RNFT2: variants seen among roughly 807,000 people sequenced by gnomAD.
RNFT2 encodes ring finger protein, transmembrane 2.
A neutral mutation model predicts 53.0 loss-of-function variants in RNFT2; 36 were observed. The observed-to-expected ratio is 0.68, with a 90% CI of 0.52 to 0.90. The LOEUF (loss-of-function observed/expected upper bound fraction) is 0.90, where lower values mean the gene tolerates loss of function less well. Among genes scored for constraint, RNFT2 ranks in the 40% least tolerant of loss-of-function variants. The pLI is 0.00. For synonymous variants in RNFT2, 260 were observed against 253.2 expected (o/e 1.03, Z -0.26); for missense variants, 514 against 585.6 (o/e 0.88, Z 1.26).
intron 7 of RNFT2, among the ~76,000 whole-genome samples, chr12:116,826,633 G>A (rs566469632): frequency 3.2e-4 from 49 of 152,270 alleles, no homozygotes; most frequent in African/African-American, 1.2e-3. Flanking sequence ...GTGCCACATA[G>A]GCTCTCACTC....
intron 3 of RNFT2, 29 bp downstream of exon 3, chr12:116,741,123 AG>A (rs1312740486): frequency 6.3e-7 from 1 of 1,591,868 alleles, no homozygotes; most frequent in Non-Finnish European, 8.6e-7. Flanking sequence ...GTTCCATCTG[AG>A]GGCTCTAGGC....
At chr12:116,838,447 G>T (rs1877090802) in intron 10 of RNFT2, among the ~76,000 whole-genome samples, 1 of 151,948 alleles carries the variant, frequency 6.6e-6, no homozygotes, top group Admixed American at 6.5e-5. Context: ...AAGGCACACA[G>T]TTTTGACAGT....
At chr12:116,754,422 T>C (rs182992467) in intron 5 of RNFT2, among the ~76,000 whole-genome samples, 1 of 152,254 alleles carries the variant, frequency 6.6e-6, no homozygotes, top group East Asian at 1.9e-4. Flanking sequence ...AATTTTAAAA[T>C]TGTGAATTGT....
chr12:116,801,825 T>G (rs939249094), intron 7 of RNFT2, among the ~76,000 whole-genome samples: 4 of 151,796 alleles, frequency 2.6e-5, no homozygotes, highest in Non-Finnish European at 5.9e-5. Context: ...TGTTTGTTTG[T>G]TTGTTTGTTT....
intron 7 of RNFT2, among the ~76,000 whole-genome samples, chr12:116,793,437 C>T (rs1874348426): frequency 6.6e-6 from 1 of 152,122 alleles, no homozygotes; most frequent in Non-Finnish European, 1.5e-5. Flanking sequence ...CTCCTCCCAC[C>T]TCAGCCTCCC....
At chr12:116,793,800 C>G (rs145584897) in intron 7 of RNFT2, among the ~76,000 whole-genome samples, 1 of 152,322 alleles carries the variant, frequency 6.6e-6, no homozygotes, top group East Asian at 1.9e-4. Context: ...TTTTCTCCAA[C>G]CTGCAGTATT....
chr12:116,830,322 C>G (rs1397197769), intron 7 of RNFT2, among the ~76,000 whole-genome samples: 1 of 152,144 alleles, frequency 6.6e-6, no homozygotes, highest in Non-Finnish European at 1.5e-5. Context: ...GGGTCTTACT[C>G]TGTCACCCAG....
At position 116,743,232 on chromosome 12, in the gene RNFT2, AAAAAAAAAAAAAC is replaced by A. The variant is rs1455242657; in HGVS notation, c.83+2139_83+2151del. 2.1e-3 allele frequency among the ~76,000 whole-genome samples: 258 copies of A among 124,220 alleles called. 41 individuals are homozygous for A. The East Asian group carries it at 0.04, about 19-fold the overall frequency. 81.5% of individuals were successfully genotyped at this position (124,220 alleles called of 152,430 possible). On this transcript the variant is annotated intron_variant, in intron 3 of 10. Coordinates refer to ENST00000257575, the MANE Select transcript of RNFT2 (RefSeq NM_001382266.1). ...AGAATCTAAAAAAAAAAAAAAAAAA[AAAAAAAAAAAAAC>A]CGGTTAAAAAACACTCATGAGCTAG...
At chr12:116,780,212 CT>C (rs915581200) in intron 7 of RNFT2, among the ~76,000 whole-genome samples, 19 of 152,292 alleles carry the variant, frequency 1.2e-4, no homozygotes, top group African/African-American at 3.8e-4. Context: ...TGTCCACTCC[CT>C]TTCTCCACTG....
chr12:116,816,576 G>C (rs1875691680), intron 7 of RNFT2, among the ~76,000 whole-genome samples: 1 of 152,272 alleles, frequency 6.6e-6, no homozygotes, highest in African/African-American at 2.4e-5. Context: ...GTTATCTAGT[G>C]GCAGATGTTG....
At chr12:116,754,166 T>A in intron 5 of RNFT2, 106 bp downstream of exon 5, 1 of 861,972 alleles carries the variant, frequency 1.2e-6, no homozygotes, top group South Asian at 1.4e-5. Context: ...ATCATTCTTA[T>A]GCCTTTGCGT....
chr12:116,837,433 G>A (rs1342923317), intron 10 of RNFT2, among the ~76,000 whole-genome samples: 1 of 152,142 alleles, frequency 6.6e-6, no homozygotes, highest in Non-Finnish European at 1.5e-5. Context: ...AGGGTTTTTG[G>A]AGGAGGCATA....
chr12:116,746,096 G>A (rs2137066910), intron 3 of RNFT2, among the ~76,000 whole-genome samples: 1 of 152,312 alleles, frequency 6.6e-6, no homozygotes, highest in African/African-American at 2.4e-5. Context: ...AATTAGCCAA[G>A]CATAGTGGCG....
chr12:116,779,642 A>G (rs1006615846), intron 7 of RNFT2, among the ~76,000 whole-genome samples: 1 of 151,920 alleles, frequency 6.6e-6, no homozygotes, highest in Non-Finnish European at 1.5e-5. Context: ...CTGAGAGAGG[A>G]AAAAAAAGCA....
intron 6 of RNFT2, among the ~76,000 whole-genome samples, chr12:116,771,183 A>G (rs1873159074): frequency 6.6e-6 from 1 of 152,058 alleles, no homozygotes; most frequent in Non-Finnish European, 1.5e-5. Context: ...TGGATAGTCC[A>G]GGTGCGTTGG....
chr12:116,762,580 ATTTT>A (rs112850108), intron 5 of RNFT2, among the ~76,000 whole-genome samples: 1 of 137,776 alleles, frequency 7.3e-6, no homozygotes, highest in Non-Finnish European at 1.6e-5. Flanking sequence ...TTCTCTACCA[ATTTT>A]TTTTTTTTTT....
intron 5 of RNFT2, among the ~76,000 whole-genome samples, chr12:116,757,755 T>C (rs576835270): frequency 1.1e-4 from 17 of 152,342 alleles, no homozygotes; most frequent in African/African-American, 4.1e-4. Flanking sequence ...ATAGTCTATC[T>C]TGGAGAAAGT....
intron 7 of RNFT2, among the ~76,000 whole-genome samples, chr12:116,830,108 G>C (rs1249481666): frequency 6.6e-6 from 1 of 152,064 alleles, no homozygotes; most frequent in Non-Finnish European, 1.5e-5. Flanking sequence ...AGTTGCAAAA[G>C]TAATGCTGCG....
rs149485709 is a variant in RNFT2 at position 116,826,132 on chromosome 12, C to T, written c.883-7660C>T. 2.4e-3 allele frequency among the ~76,000 whole-genome samples: 363 copies of T among 152,148 alleles called. 2 individuals carry two copies. Among genetic ancestry groups the T allele is most frequent in the African/African-American group, 8.4e-3 (347 of 41,500 alleles). On this transcript the variant is annotated intron_variant, in intron 7 of 10. Transcript: ENST00000257575. ...TAGGTGCGTTCTTCCAAAAAATTCT[C>T]CTCTCTGTTCATTTCTTCTGCTTCT... is the stretch of plus-strand genomic sequence containing the variant.
Sources: gnomAD v4.1 joint callset for allele counts (sites outside exome capture counted in the v4.1 genomes callset) on GRCh38, gnomAD v4.1.1 for gene constraint, MANE v1.5 for transcripts, NCBI Gene and HGNC (gene_info 2026-07-23, HGNC 2026-07-21) for gene names.